TRPM3: variants seen among roughly 807,000 people sequenced by gnomAD.
TRPM3 encodes long transient receptor potential channel 3.
TRPM3 carries 77 observed loss-of-function variants against 181.2 expected under a neutral mutation model. The ratio of observed to expected loss-of-function variants is 0.42; its 90% confidence interval spans 0.35 to 0.51. The LOEUF (loss-of-function observed/expected upper bound fraction) is 0.51. Ranked by LOEUF, TRPM3 falls within the 20% of genes least tolerant of loss-of-function variation. TRPM3 has a pLI of 0.01. For missense variants in TRPM3, 1,759 were observed against 2,196.7 expected (o/e 0.80, Z 3.98); for synonymous variants, 745 against 796.4 (o/e 0.94, Z 1.09).
chr9:70,992,125 T>C (rs1425298487), intron 1 of TRPM3, among the ~76,000 whole-genome samples: 1 of 152,176 alleles, frequency 6.6e-6, no homozygotes, highest in Non-Finnish European at 1.5e-5. Flanking sequence ...TTACTTCCTT[T>C]AAAAGTGAGT....
intron 1 of TRPM3, among the ~76,000 whole-genome samples, chr9:71,390,552 G>C (rs928280168): frequency 2.0e-5 from 3 of 151,930 alleles, no homozygotes; most frequent in African/African-American, 7.2e-5. Context: ...ACTTCTTTTA[G>C]GTAGTTTATA....
intron 1 of TRPM3, among the ~76,000 whole-genome samples, chr9:71,217,618 A>C (rs2079974636): frequency 6.6e-6 from 1 of 152,188 alleles, no homozygotes; most frequent in Non-Finnish European, 1.5e-5. Context: ...GAAATGGAAA[A>C]ACTTTGCCAT....
chr9:70,682,822 G>A (rs1237063314), intron 8 of TRPM3, among the ~76,000 whole-genome samples: 3 of 152,074 alleles, frequency 2.0e-5, no homozygotes, highest in Non-Finnish European at 2.9e-5. Flanking sequence ...TTCATGCCTC[G>A]AGCTTATCTC....
At chr9:71,353,674 T>C (rs1438634735) in intron 1 of TRPM3, among the ~76,000 whole-genome samples, 2 of 152,190 alleles carry the variant, frequency 1.3e-5, no homozygotes, top group African/African-American at 4.8e-5. Flanking sequence ...CAGATATCGC[T>C]CTTTGTTTTT....
chr9:71,041,569 G>A (rs1272836457), intron 1 of TRPM3, among the ~76,000 whole-genome samples: 2 of 152,062 alleles, frequency 1.3e-5, no homozygotes, highest in East Asian at 3.9e-4. Flanking sequence ...CCAAATCGAT[G>A]CATAGAAAAA....
chr9:70,896,458 A>C (rs2096280099), intron 1 of TRPM3, among the ~76,000 whole-genome samples: 1 of 152,204 alleles, frequency 6.6e-6, no homozygotes, highest in Non-Finnish European at 1.5e-5. Context: ...TACATTAAGC[A>C]GATAAGTGCC....
intron 1 of TRPM3, among the ~76,000 whole-genome samples, chr9:71,079,697 TG>T (rs1240112986): frequency 6.6e-6 from 1 of 152,202 alleles, no homozygotes; most frequent in Non-Finnish European, 1.5e-5. Flanking sequence ...TCCCTCCAGC[TG>T]GCTTAGTAGT....
At chr9:71,325,102 G>T (rs1239563925) in intron 1 of TRPM3, among the ~76,000 whole-genome samples, 2 of 151,912 alleles carry the variant, frequency 1.3e-5, no homozygotes, top group African/African-American at 2.4e-5. Flanking sequence ...ACCCTGACTT[G>T]ATCATTGCAA....
chr9:70,606,458 C>G (rs975037874), intron 19 of TRPM3, among the ~76,000 whole-genome samples: 1 of 152,062 alleles, frequency 6.6e-6, no homozygotes, highest in Non-Finnish European at 1.5e-5. Flanking sequence ...CATAGTCAAG[C>G]TATAATATAA....
intron 1 of TRPM3, among the ~76,000 whole-genome samples, chr9:71,372,880 A>G (rs563664409): frequency 8.4e-4 from 128 of 152,288 alleles, no homozygotes; most frequent in South Asian, 8.3e-4. Flanking sequence ...ATAGAAGTAA[A>G]ACACTCCTCA....
intron 1 of TRPM3, among the ~76,000 whole-genome samples, chr9:70,975,286 AT>A (rs912394321): frequency 2.6e-5 from 4 of 152,204 alleles, no homozygotes; most frequent in African/African-American, 9.6e-5. Context: ...GAGTAAAAAA[AT>A]AAAAGGCTAA....
At chr9:71,178,345 A>C (rs1175292302) in intron 1 of TRPM3, among the ~76,000 whole-genome samples, 1 of 152,142 alleles carries the variant, frequency 6.6e-6, no homozygotes, top group African/African-American at 2.4e-5. Flanking sequence ...AAAGTATCTG[A>C]ATAGAGTAAG....
chr9:70,539,383 C>A (rs1024366636), intron 25 of TRPM3, among the ~76,000 whole-genome samples: 4 of 152,116 alleles, frequency 2.6e-5, no homozygotes, highest in African/African-American at 4.8e-5. Flanking sequence ...CTGCCTCTCT[C>A]AGGACCCCCC....
chr9:70,915,556 T>C lies in TRPM3; in HGVS notation c.178-51045A>G, dbSNP rs545951434. On this transcript the variant is annotated intron_variant, in intron 1 of 25. Transcript: ENST00000677713. ...TCCTGACTTTGTGATCTGCCCGCCT[T>C]GGCCTCCCACAGTGCTGGGATTACA... 1.4e-4 allele frequency among the ~76,000 whole-genome samples: 21 copies of C among 151,874 alleles called. 1 individual carries two copies. The South Asian group carries it at 2.3e-3, about 17-fold the overall frequency.
intron 1 of TRPM3, among the ~76,000 whole-genome samples, chr9:71,141,562 G>A (rs530673836): frequency 6.6e-6 from 1 of 152,000 alleles, no homozygotes; most frequent in African/African-American, 2.4e-5. Flanking sequence ...TATTTATTAA[G>A]TTAAAGGGGC....
At chr9:71,108,229 A>G (rs1337934561) in intron 1 of TRPM3, among the ~76,000 whole-genome samples, 1 of 152,208 alleles carries the variant, frequency 6.6e-6, no homozygotes, top group African/African-American at 2.4e-5. Context: ...ATATTAGCAA[A>G]AGGTATAGAA....
chr9:70,778,174 T>A (rs1051961492), intron 7 of TRPM3, among the ~76,000 whole-genome samples: 1 of 152,178 alleles, frequency 6.6e-6, no homozygotes, highest in Non-Finnish European at 1.5e-5. Flanking sequence ...CAGTTTTTGA[T>A]GGAAAAGGGG....
intron 1 of TRPM3, among the ~76,000 whole-genome samples, chr9:71,432,182 A>G (rs571045197): frequency 6.6e-6 from 1 of 152,330 alleles, no homozygotes; most frequent in South Asian, 2.1e-4. Flanking sequence ...ATACAGGACC[A>G]TGATGTTATC....
chr9:71,210,008 G>T lies in TRPM3; in HGVS notation c.183+236645C>A, dbSNP rs369432228. On this transcript the variant is annotated intron_variant, in intron 1 of 24. Coordinates refer to the TRPM3 transcript ENST00000357533. ...GGAATCCCAAGGGTACATTTCCCAG[G>T]ACAGAGGTCCCTAACCCCGTTAGGA... 4.1e-4 allele frequency among the ~76,000 whole-genome samples: 63 copies of T among 152,290 alleles called. 1 individual carries two copies. In the South Asian group the frequency reaches 0.013, roughly 31 times the overall value.
Sources: gnomAD v4.1 joint callset for allele counts (sites outside exome capture counted in the v4.1 genomes callset) on GRCh38, gnomAD v4.1.1 for gene constraint, MANE v1.5 for transcripts, NCBI Gene and HGNC (gene_info 2026-07-23, HGNC 2026-07-21) for gene names.